PLD5: variants seen among roughly 807,000 people sequenced by gnomAD.
PLD5 encodes the protein inactive phospholipase D5.
Under a neutral mutation model 61.1 loss-of-function variants are expected in PLD5, and 36 were observed. That is an observed-to-expected ratio of 0.59 (90% CI 0.45 to 0.78). The LOEUF (loss-of-function observed/expected upper bound fraction) is 0.78, where lower values mean the gene tolerates loss of function less well. Ranked by LOEUF, PLD5 falls within the 30% of genes least tolerant of loss-of-function variation. PLD5 has a pLI of 0.00. For missense variants in PLD5, 515 were observed against 644.4 expected (o/e 0.80, Z 2.17); for synonymous variants, 243 against 242.8 (o/e 1.00, Z -0.01).
In PLD5 at chr1:242,086,744, C is replaced by G. The variant is rs1336776897; in HGVS notation, c.*3110G>C. ...CATAGAATAAGTCATTGTTTAAAAT[C>G]AACACTTGAGGATACATAAGGCACT... On this transcript the variant is annotated 3_prime_UTR_variant, in exon 10 of 10. Coordinates refer to ENST00000536534, the MANE Select transcript of PLD5 (RefSeq NM_001372062.1). The G allele has an allele frequency of 6.6e-6, 1 of 151,976 alleles. No homozygotes were observed. The highest frequency in any genetic ancestry group is 1.9e-4 in the East Asian group (1 of 5,186). 9.4% of individuals were successfully genotyped at this position (151,976 alleles called of 1,614,324 possible).
chr1:242,317,410 A>T (rs1658085189), intron 2 of PLD5, among the ~76,000 whole-genome samples: 1 of 152,240 alleles, frequency 6.6e-6, no homozygotes, highest in Non-Finnish European at 1.5e-5. Context: ...ATTATCTAAC[A>T]CATTCACTTC....
chr1:242,320,681 C>T, intron 2 of PLD5, among the ~76,000 whole-genome samples: 1 of 152,032 alleles, frequency 6.6e-6, no homozygotes, highest in East Asian at 1.9e-4. Context: ...GAGGCAGAAG[C>T]CAACGTATCA....
chr1:242,170,751 G>T (rs997448556), intron 5 of PLD5, among the ~76,000 whole-genome samples: 2 of 152,094 alleles, frequency 1.3e-5, no homozygotes. Context: ...TGAGAACTTC[G>T]TGAAGCATAC....
intron 5 of PLD5, among the ~76,000 whole-genome samples, chr1:242,139,489 G>A (rs553865987): frequency 3.3e-5 from 5 of 152,062 alleles, no homozygotes; most frequent in African/African-American, 9.6e-5. Context: ...GTGCTTAGCT[G>A]CAGCTTGTTC....
intron 3 of PLD5, among the ~76,000 whole-genome samples, chr1:242,273,699 T>C (rs1033008616): frequency 7.9e-5 from 12 of 152,188 alleles, no homozygotes; most frequent in African/African-American, 2.7e-4. Context: ...GATCTTATGA[T>C]GGGGGATTAT....
intron 8 of PLD5, among the ~76,000 whole-genome samples, chr1:242,101,608 C>T (rs1243900408): frequency 1.3e-5 from 2 of 152,208 alleles, no homozygotes; most frequent in East Asian, 1.9e-4. Context: ...TTCAGAACTG[C>T]GTGGAACCTT....
rs1670081723 is a variant in PLD5, at chr1:242,215,090, G to GTCTCTACTAAATAAAAC, written c.735+4897_735+4898insGTTTTATTTAGTAGAGA. ...TTTTTAGTAGAGACGGGGTTTCACC[G>GTCTCTACTAAATAAAAC]TGTTAACCAGAATGGTCTTGATCTC... On this transcript the variant is annotated intron_variant, in intron 5 of 9. Coordinates refer to ENST00000536534, the MANE Select transcript of PLD5 (RefSeq NM_001372062.1). 7.0e-5 allele frequency among the ~76,000 whole-genome samples: 10 copies of GTCTCTACTAAATAAAAC among 143,726 alleles called. No homozygotes were observed. The Admixed American group carries it at 7.2e-4, about 10-fold the overall frequency. 94.3% of individuals were successfully genotyped at this position (143,726 alleles called of 152,430 possible). A position where few individuals can be genotyped will look rare whatever the true frequency, so the allele number is the denominator to read the frequency against.
At chr1:242,214,253 T>C (rs754398463) in intron 5 of PLD5, among the ~76,000 whole-genome samples, 8 of 152,226 alleles carry the variant, frequency 5.3e-5, no homozygotes, top group Non-Finnish European at 8.8e-5. Context: ...TCACTCTATC[T>C]GGGCTTACTA....
chr1:242,200,744 C>T (rs1044541160), intron 5 of PLD5, among the ~76,000 whole-genome samples: 11 of 152,168 alleles, frequency 7.2e-5, no homozygotes, highest in African/African-American at 2.7e-4. Context: ...GAGACAGTCT[C>T]CTGATCTGTG....
intron 1 of PLD5, among the ~76,000 whole-genome samples, chr1:242,503,612 C>T (rs928763884): frequency 6.6e-6 from 1 of 152,186 alleles, no homozygotes; most frequent in African/African-American, 2.4e-5. Flanking sequence ...ATGCCCTCCA[C>T]CTCACAATGG....
At position 242,324,855 on chromosome 1, in the gene PLD5, T is replaced by TGGA. The variant is rs758187679; in HGVS notation, c.326+23250_326+23251insTCC. ...TTGTGGCCACCACCCAGGAACTGAC[T>TGGA]CAGCCCAAGAGGACAGCTTCAACTC... is the stretch of plus-strand genomic sequence containing the variant. On this transcript the variant is annotated intron_variant, in intron 2 of 9. Coordinates refer to ENST00000536534, the MANE Select transcript of PLD5 (RefSeq NM_001372062.1). Among the ~76,000 whole-genome samples the TGGA allele has an allele frequency of 6.4e-4, 98 of 152,256 alleles. No homozygotes were observed. In the Middle Eastern group the frequency reaches 0.014, roughly 21 times the overall value.
chr1:242,296,279 C>A (rs550179206), intron 2 of PLD5, among the ~76,000 whole-genome samples: 4 of 152,294 alleles, frequency 2.6e-5, no homozygotes, highest in African/African-American at 9.6e-5. Flanking sequence ...GGATATTAGT[C>A]CTTTGTCAAG....
At chr1:242,519,608 A>G (rs939381135) in intron 1 of PLD5, among the ~76,000 whole-genome samples, 1 of 152,248 alleles carries the variant, frequency 6.6e-6, no homozygotes, top group African/African-American at 2.4e-5. Context: ...AGCTGGGAAG[A>G]GAAGCAGAGG....
rs1428537367 is a variant in PLD5, at chr1:242,303,527, C to T, written c.327-14997G>A. Among the ~76,000 whole-genome samples, 9 of 152,322 alleles carry T rather than the reference C, an allele frequency of 5.9e-5. 2 individuals carry two copies. The highest frequency in any genetic ancestry group is 5.9e-4 in the Admixed American group (9 of 15,308). On this transcript the variant is annotated intron_variant, in intron 2 of 9. Transcript: ENST00000536534. ...ACATCCGAGTTTGCCTTAGGGCCTC[C>T]GAACTGTACTTGGTAGAAGACACAG...
intron 5 of PLD5, among the ~76,000 whole-genome samples, chr1:242,126,093 G>C (rs533975675): frequency 1.8e-4 from 28 of 152,226 alleles, no homozygotes; most frequent in South Asian, 2.1e-4. Context: ...GGCATATCAG[G>C]CATGTGCAAA....
chr1:242,526,397 A>G (rs941017463), upstream of PLD5, among the ~76,000 whole-genome samples: 1 of 152,080 alleles, frequency 6.6e-6, no homozygotes, highest in African/African-American at 2.4e-5. Context: ...TGTGAAAACT[A>G]TACATTCCAT....
Position 242,084,635 on chromosome 1 carries a change from C to G in PLD5, c.*5219G>C, listed in dbSNP as rs12068850. The G allele has an allele frequency of 6.6e-6, 1 of 151,338 alleles. No homozygotes were observed. Among genetic ancestry groups the G allele is most frequent in the African/African-American group, 2.4e-5 (1 of 41,116 alleles). 9.4% of individuals were successfully genotyped at this position (151,338 alleles called of 1,614,324 possible). ...GTTGAGATGGCTGTTAAAGTATGCT[C>G]TACAGCTCAATATGGGTTTGCTGAG... On this transcript the variant is annotated 3_prime_UTR_variant, in exon 10 of 10. Transcript: ENST00000536534.
intron 1 of PLD5, among the ~76,000 whole-genome samples, chr1:242,404,682 C>G (rs572731539): frequency 1.3e-5 from 2 of 149,470 alleles, no homozygotes; most frequent in Non-Finnish European, 3.0e-5. Flanking sequence ...CTCTCACACA[C>G]ACTTTGTTTT....
chr1:242,114,127 T>C, intron 6 of PLD5, 101 bp from the exon 7 acceptor site: 7 of 1,331,108 alleles, frequency 5.3e-6, no homozygotes. Flanking sequence ...GTAACTATAT[T>C]TTTGCAAACC....
Sources: allele counts gnomAD v4.1 joint callset (sites outside exome capture counted in the v4.1 genomes callset), GRCh38; gene constraint gnomAD v4.1.1; transcripts MANE v1.5; gene names NCBI Gene and HGNC (gene_info 2026-07-23, HGNC 2026-07-21).